CNTNAP2: variants seen among roughly 807,000 people sequenced by gnomAD.
CNTNAP2 encodes the protein contactin associated protein 2.
A neutral mutation model predicts 155.2 loss-of-function variants in CNTNAP2; 98 were observed. That is an observed-to-expected ratio of 0.63 (90% confidence interval 0.54 to 0.75). CNTNAP2 has a LOEUF of 0.75. Among genes scored for constraint, CNTNAP2 ranks in the 30% least tolerant of loss-of-function variants. The pLI is 0.00. For synonymous variants in CNTNAP2, 651 were observed against 631.2 expected, an observed-to-expected ratio of 1.03 and a Z score of -0.47; for missense variants, 1,727 against 1,688.1, an observed-to-expected ratio of 1.02 and a Z score of -0.40.
intron 2 of CNTNAP2, among the ~76,000 whole-genome samples, chr7:146,783,453 T>C (rs1034734860): frequency 2.0e-5 from 3 of 152,176 alleles, no homozygotes; most frequent in African/African-American, 7.2e-5. Flanking sequence ...TAAACCAAAA[T>C]TTTGGCTTGA....
chr7:148,399,735 T>C (rs1018052892), intron 22 of CNTNAP2, among the ~76,000 whole-genome samples: 3 of 152,078 alleles, frequency 2.0e-5, no homozygotes, highest in African/African-American at 7.2e-5. Flanking sequence ...TAAAAAGAAA[T>C]AGAACTAACG....
chr7:147,587,844 T>C (rs1204580331), intron 12 of CNTNAP2, among the ~76,000 whole-genome samples: 2 of 152,182 alleles, frequency 1.3e-5, no homozygotes, highest in African/African-American at 4.8e-5. Flanking sequence ...TTCCCCATCA[T>C]AGCATTGTTA....
At chr7:147,662,308 A>G (rs1795625028) in intron 13 of CNTNAP2, among the ~76,000 whole-genome samples, 1 of 152,220 alleles carries the variant, frequency 6.6e-6, no homozygotes, top group Non-Finnish European at 1.5e-5. Context: ...CAATGTATTC[A>G]GGAATCATTT....
chr7:148,374,128 G>A (rs1730400), intron 21 of CNTNAP2, among the ~76,000 whole-genome samples: 108,577 of 151,850 alleles, frequency 0.72, 39,975 homozygotes, highest in Admixed American at 0.81. Flanking sequence ...GGAAACCATC[G>A]CTTTCAATCC....
intron 1 of CNTNAP2, among the ~76,000 whole-genome samples, chr7:146,596,556 C>T (rs1273856949): frequency 6.7e-6 from 1 of 150,076 alleles, no homozygotes. Context: ...GCCACATTCA[C>T]CCCCCCAGCC....
intron 1 of CNTNAP2, among the ~76,000 whole-genome samples, chr7:146,586,471 G>A (rs922994606): frequency 6.6e-6 from 1 of 152,048 alleles, no homozygotes; most frequent in Admixed American, 6.6e-5. Context: ...ATTCTACATA[G>A]CAAAGTGAAT....
chr7:146,724,272 G>A (rs542475049), intron 1 of CNTNAP2, among the ~76,000 whole-genome samples: 2 of 152,204 alleles, frequency 1.3e-5, no homozygotes, highest in African/African-American at 4.8e-5. Context: ...CATTGTAAGT[G>A]TTAGAACAGT....
At chr7:147,199,469 A>G (rs918077006) in intron 8 of CNTNAP2, among the ~76,000 whole-genome samples, 4 of 152,218 alleles carry the variant, frequency 2.6e-5, no homozygotes, top group Non-Finnish European at 5.9e-5. Flanking sequence ...ACAGTATACT[A>G]CGTTTCAAAC....
chr7:147,040,499 C>T (rs1407320413), intron 3 of CNTNAP2, among the ~76,000 whole-genome samples: 2 of 127,344 alleles, frequency 1.6e-5, no homozygotes, highest in Admixed American at 9.4e-5. Context: ...CTGGCTCTGT[C>T]ACCCAGGCTG....
chr7:146,581,517 C>T (rs1454355716), intron 1 of CNTNAP2, among the ~76,000 whole-genome samples: 1 of 151,576 alleles, frequency 6.6e-6, no homozygotes, highest in Non-Finnish European at 1.5e-5. Context: ...TGAAAGTGAC[C>T]TATGCTGAGA....
At chr7:147,217,797 A>T (rs1803306889) in intron 8 of CNTNAP2, among the ~76,000 whole-genome samples, 1 of 152,088 alleles carries the variant, frequency 6.6e-6, no homozygotes. Flanking sequence ...TTTTGGAAAG[A>T]TTATTAATAA....
intron 1 of CNTNAP2, among the ~76,000 whole-genome samples, chr7:146,731,756 C>A (rs1801529566): frequency 6.6e-6 from 1 of 152,136 alleles, no homozygotes; most frequent in South Asian, 2.1e-4. Flanking sequence ...TTCTTTAACA[C>A]ATTCCAAAAT....
chr7:146,666,516 G>A (rs975292778), intron 1 of CNTNAP2, among the ~76,000 whole-genome samples: 3 of 152,154 alleles, frequency 2.0e-5, no homozygotes, highest in Admixed American at 2.0e-4. Flanking sequence ...TAAATGCCAA[G>A]TAGTGGGATT....
At chr7:147,191,637 A>G (rs2116524779) in intron 8 of CNTNAP2, among the ~76,000 whole-genome samples, 1 of 152,304 alleles carries the variant, frequency 6.6e-6, no homozygotes, top group Non-Finnish European at 1.5e-5. Context: ...TATATATAGG[A>G]CAGTGAAAAA....
intron 12 of CNTNAP2, among the ~76,000 whole-genome samples, chr7:147,567,577 A>G (rs1312677304): frequency 6.6e-6 from 1 of 152,100 alleles, no homozygotes; most frequent in Non-Finnish European, 1.5e-5. Context: ...GATTGATTTG[A>G]TGGGTATTTA....
chr7:147,611,479 T>C (rs12532801), intron 12 of CNTNAP2, among the ~76,000 whole-genome samples: 104,115 of 152,056 alleles, frequency 0.68, 36,077 homozygotes, highest in African/African-American at 0.78. Flanking sequence ...TACAATGGAA[T>C]AAAAACATTA....
intron 3 of CNTNAP2, among the ~76,000 whole-genome samples, chr7:146,917,086 T>C (rs1010974399): frequency 2.6e-5 from 4 of 152,220 alleles, no homozygotes; most frequent in African/African-American, 7.2e-5. Context: ...CCAATGATCA[T>C]TGAGGATCAG....
intron 1 of CNTNAP2, among the ~76,000 whole-genome samples, chr7:146,474,529 G>A (rs180876490): frequency 6.6e-6 from 1 of 151,674 alleles, no homozygotes; most frequent in East Asian, 1.9e-4. Flanking sequence ...ATTGGAGGGA[G>A]TTGGCATTCT....
chr7:146,764,233 G>T (rs1285255476), intron 1 of CNTNAP2, among the ~76,000 whole-genome samples: 1 of 151,996 alleles, frequency 6.6e-6, no homozygotes, highest in Non-Finnish European at 1.5e-5. Context: ...TCAGATTATT[G>T]GTTTATTAAA....
Sources: allele counts gnomAD v4.1 joint callset (sites outside exome capture counted in the v4.1 genomes callset), GRCh38; gene constraint gnomAD v4.1.1; transcripts MANE v1.5; gene names NCBI Gene and HGNC (gene_info 2026-07-23, HGNC 2026-07-21).